RAD54L2: variants seen among roughly 807,000 people sequenced by gnomAD.
RAD54L2 encodes the protein helicase ARIP4.
In RAD54L2, 27 loss-of-function variants were observed where a neutral mutation model predicts 138.4. The observed-to-expected ratio is 0.20, with a 90% CI of 0.14 to 0.27. The LOEUF is 0.27. RAD54L2 is among the 10% of genes least tolerant of loss of function. The pLI is 1.00. For missense variants in RAD54L2, 1,396 were observed against 1,890.2 expected (o/e 0.74, Z 4.85); for synonymous variants, 644 against 723.2 (o/e 0.89, Z 1.76).
At chr3:51,604,262 C>G (rs1330804671) in intron 3 of RAD54L2, among the ~76,000 whole-genome samples, 1 of 152,028 alleles carries the variant, frequency 6.6e-6, no homozygotes, top group Admixed American at 6.6e-5. Context: ...TTTTGGAATC[C>G]ATCGTTTAGG....
At chr3:51,569,959 A>C (rs1301384112) in intron 2 of RAD54L2, among the ~76,000 whole-genome samples, 1 of 151,346 alleles carries the variant, frequency 6.6e-6, no homozygotes, top group Non-Finnish European at 1.5e-5. Context: ...CACCTTCCTG[A>C]GTAGCTGGGT....
intron 9 of RAD54L2, among the ~76,000 whole-genome samples, chr3:51,634,962 A>AT (rs1700949085): frequency 6.6e-6 from 1 of 152,122 alleles, no homozygotes; most frequent in African/African-American, 2.4e-5. Flanking sequence ...ACTTTACTAT[A>AT]TTTTTTTCAG....
intron 2 of RAD54L2, among the ~76,000 whole-genome samples, chr3:51,577,987 C>G (rs939815299): frequency 2.0e-5 from 3 of 152,042 alleles, no homozygotes; most frequent in African/African-American, 7.2e-5. Context: ...TAAGGATGTT[C>G]TGTTACATAA....
rs755810370 is a variant in RAD54L2 at position 51,633,722 on chromosome 3, G to A, written c.971G>A (p.Arg324His). The part of the protein sequence containing the change: ...QVISFIDVLF[R>H]HTPAKTVLAI... ...ATCTCTTTCATCGACGTCCTCTTCCGCCACACGCCAGCCAAAACAGTCCTT... is the reference window on the plus strand; with the variant it reads ...ATCTCTTTCATCGACGTCCTCTTCCACCACACGCCAGCCAAAACAGTCCTT... The change falls in exon 8 of 23, where the codon CGC (arginine) becomes CAC (histidine). Residue 324 changes from arginine to histidine, a missense_variant. Transcript: ENST00000684192. The A allele has an allele frequency of 1.1e-5, 18 of 1,613,744 alleles. No individual in the cohort carries two copies. Among genetic ancestry groups the A allele is most frequent in the South Asian group, 4.4e-5 (4 of 91,076 alleles).
chr3:51,630,807 A>G lies in RAD54L2; in HGVS notation c.701A>G (p.His234Arg). ...GAGGAAGAAGAGAAGGGTGGCACCC[A>G]TGTCAATGATGTCTTAAACCAGCGT... The part of the protein sequence containing the change: ...DDEEEEKGGT[H>R]VNDVLNQRDA... Residue 234 changes from histidine to arginine, a missense_variant, in exon 7 of 23, where the codon CAT becomes CGT. His to Arg is a conservative substitution (Grantham distance 29, BLOSUM62 0). Transcript: ENST00000684192. 1 of 1,614,022 alleles carries G rather than the reference A, an allele frequency of 6.2e-7. No homozygotes were observed. The highest frequency in any genetic ancestry group is 8.5e-7 in the Non-Finnish European group (1 of 1,179,880).
At chr3:51,561,678 C>T (rs1699102853) in intron 2 of RAD54L2, among the ~76,000 whole-genome samples, 1 of 152,060 alleles carries the variant, frequency 6.6e-6, no homozygotes, top group South Asian at 2.1e-4. Context: ...CCTCCCACCT[C>T]AGCCTCCTGA....
intron 3 of RAD54L2, among the ~76,000 whole-genome samples, chr3:51,603,125 A>C (rs1315354675): frequency 6.8e-6 from 1 of 146,124 alleles, no homozygotes; most frequent in African/African-American, 2.6e-5. Context: ...AACATAGTGA[A>C]GACCTCATTA....
At chr3:51,564,224 C>G (rs1463717126) in intron 2 of RAD54L2, among the ~76,000 whole-genome samples, 2 of 152,214 alleles carry the variant, frequency 1.3e-5, no homozygotes, top group African/African-American at 4.8e-5. Context: ...CTGCCTTACA[C>G]AGGAAAACAG....
chr3:51,633,967 G>A lies in RAD54L2; in HGVS notation c.1074G>A (p.Pro358=), dbSNP rs200783382. 43 of 1,613,872 alleles carry A rather than the reference G, an allele frequency of 2.7e-5. No homozygotes were observed. Among genetic ancestry groups the A allele is most frequent in the East Asian group, 1.6e-4 (7 of 44,874 alleles). ...GGCTTCCACCTCCTGAAGCCCTCCCGGCTGACAACAAGCCTGAAGAAGTCC... is the reference window on the plus strand; with the variant it reads ...GGCTTCCACCTCCTGAAGCCCTCCCAGCTGACAACAAGCCTGAAGAAGTCC... ...NMWLPPPEAL[P]ADNKPEEVQP... is the part of the protein sequence containing the mutation. Residue 358 remains proline (P), a synonymous_variant, in exon 9 of 23, where the codon CCG becomes CCA. Transcript: ENST00000684192.
At chr3:51,605,280 G>T (rs1465474512) in intron 3 of RAD54L2, among the ~76,000 whole-genome samples, 1 of 151,418 alleles carries the variant, frequency 6.6e-6, no homozygotes, top group Admixed American at 6.6e-5. Flanking sequence ...GTAGAGATGG[G>T]GTTTCACCAT....
At chr3:51,542,293 A>G (rs1242795013) in intron 2 of RAD54L2, among the ~76,000 whole-genome samples, 1 of 152,142 alleles carries the variant, frequency 6.6e-6, no homozygotes, top group Non-Finnish European at 1.5e-5. Context: ...GTTAATGTGT[A>G]TTATTATATA....
At chr3:51,657,916 C>CTTTT (rs71084155) in intron 21 of RAD54L2, among the ~76,000 whole-genome samples, 13 of 87,412 alleles carry the variant, frequency 1.5e-4, no homozygotes, top group African/African-American at 2.3e-4. Flanking sequence ...ATCTTGCTGT[C>CTTTT]TTTTTTTTTT....
At position 51,662,441 on chromosome 3, in the gene RAD54L2, C is replaced by CG; in HGVS notation, c.3425_3426insG (p.Cys1143LeufsTer20). On this transcript the variant is annotated frameshift_variant, in exon 23 of 23. Coordinates refer to ENST00000684192, the MANE Select transcript of RAD54L2 (RefSeq NM_015106.4). LOFTEE classifies it high-confidence loss of function. The surrounding 1 kb of genome is among the most constrained non-coding windows in gnomAD (Gnocchi z 4.6). Reference sequence around the variant, plus strand: ...TTGTCCCCAGGTTCCCAGGGACCTTCTTGCGAGTCCACAAGCAACGGCAGA... The same window carrying CG: ...TTGTCCCCAGGTTCCCAGGGACCTTCGTTGCGAGTCCACAAGCAACGGCAGA... 1 of 1,528,604 alleles carries CG rather than the reference C, an allele frequency of 6.5e-7. No homozygotes were observed. Among genetic ancestry groups the CG allele is most frequent in the Non-Finnish European group, 8.8e-7 (1 of 1,136,680 alleles). 94.7% of individuals were successfully genotyped at this position (1,528,604 alleles called of 1,614,324 possible). A position where few individuals can be genotyped will look rare whatever the true frequency, so the allele number is the denominator to read the frequency against.
chr3:51,631,043 G>C lies in RAD54L2; in HGVS notation c.825+112G>C, dbSNP rs1312083971. 3.7e-6 allele frequency: 4 copies of C among 1,090,440 alleles called. No individual in the cohort carries two copies. In the African/African-American group the frequency reaches 6.3e-5, roughly 17 times the overall value. 67.5% of individuals were successfully genotyped at this position (1,090,440 alleles called of 1,614,324 possible). On this transcript the variant is annotated intron_variant, in intron 7 of 22. Transcript: ENST00000684192. ...CTGTGAAGTACTTGTTTGGTACCAA[G>C]AGCAGCTTGTTCAGCTGTTGGAAAG...
intron 2 of RAD54L2, among the ~76,000 whole-genome samples, chr3:51,557,830 CAAAAAAAAAAA>C (rs1166273906): frequency 3.1e-5 from 1 of 32,212 alleles, no homozygotes; most frequent in Non-Finnish European, 7.0e-5. Flanking sequence ...AACTCCATCT[CAAAAAAAAAAA>C]AAAAAAAAAA....
intron 2 of RAD54L2, among the ~76,000 whole-genome samples, chr3:51,557,344 A>C (rs1698995903): frequency 6.6e-6 from 1 of 151,696 alleles, no homozygotes. Context: ...TGCCATGCCC[A>C]GCTAATTTTT....
chr3:51,638,647 G>C lies in RAD54L2; in HGVS notation c.1860+326G>C, dbSNP rs1701050922. ...GACTGCTAGCATAATCAGAATTCAA[G>C]AGATATATAGCTTAGACAAGTTATT... On this transcript the variant is annotated intron_variant, in intron 12 of 22. Coordinates refer to ENST00000684192, the MANE Select transcript of RAD54L2 (RefSeq NM_015106.4). This position sits in a 1 kb window ranked among gnomAD's most constrained non-coding sequence, Gnocchi z 4.3. 2 of 246,290 alleles carry C rather than the reference G, an allele frequency of 8.1e-6. No individual in the cohort carries two copies. 15.3% of individuals were successfully genotyped at this position (246,290 alleles called of 1,614,324 possible). A position where few individuals can be genotyped will look rare whatever the true frequency, so the allele number is the denominator to read the frequency against.
At chr3:51,661,067 A>G (rs1290052393) in intron 22 of RAD54L2, among the ~76,000 whole-genome samples, 2 of 149,094 alleles carry the variant, frequency 1.3e-5, no homozygotes, top group African/African-American at 5.0e-5. Context: ...GATTCTTCTG[A>G]CTCAGCCTCC....
intron 2 of RAD54L2, among the ~76,000 whole-genome samples, chr3:51,554,164 C>T (rs761456247): frequency 2.8e-4 from 42 of 152,002 alleles, no homozygotes; most frequent in Non-Finnish European, 5.4e-4. Context: ...ATCAAGAGAT[C>T]GAGAGCAGCC....
Sources: gnomAD v4.1 joint callset for allele counts (sites outside exome capture counted in the v4.1 genomes callset) on GRCh38, gnomAD v4.1.1 for gene constraint, Gnocchi (gnomAD v3.1) non-coding constraint, MANE v1.5 for transcripts, NCBI Gene and HGNC (gene_info 2026-07-23, HGNC 2026-07-21) for gene names.